B4GALNT2: variants seen among roughly 807,000 people sequenced by gnomAD.
B4GALNT2 encodes the protein beta-1,4-N-acetyl-galactosaminyltransferase 2 (SID blood group), also known as N-acetylneuraminylgalactosylglucosyl-glucoside beta-1,4-N- acetylgalactosaminyltransferase 2.
A neutral mutation model predicts 51.1 loss-of-function variants in B4GALNT2; 42 were observed. The observed-to-expected ratio is 0.82, with a 90% CI of 0.64 to 1.06. B4GALNT2 has a LOEUF of 1.06. B4GALNT2 is among the 50% of genes least tolerant of loss of function. The probability of loss-of-function intolerance (pLI) is 0.00; values close to 1 mark genes in which losing one functional copy is unlikely to be tolerated. For synonymous variants in B4GALNT2, 253 were observed against 251.7 expected, an observed-to-expected ratio of 1.01 and a Z score of -0.05; for missense variants, 602 against 633.6, an observed-to-expected ratio of 0.95 and a Z score of 0.54.
chr17:49,132,879 G>A (rs1193045371), intron 1 of B4GALNT2, 73 bp downstream of exon 1: 2 of 1,374,628 alleles, frequency 1.5e-6, no homozygotes, highest in African/African-American at 1.5e-5. Flanking sequence ...GTCCTTTCTG[G>A]CGTCTGCAGA....
At chr17:49,161,668 T>C (rs985627723) in intron 7 of B4GALNT2, among the ~76,000 whole-genome samples, 5 of 63,758 alleles carry the variant, frequency 7.8e-5, no homozygotes, top group Admixed American at 6.8e-4. Context: ...TCTAAATACA[T>C]TTTAAAGTAC....
At chr17:49,125,842 C>A in the B4GALNT2 span, among the ~76,000 whole-genome samples, 1 of 131,198 alleles carries the variant, frequency 7.6e-6, no homozygotes, top group East Asian at 2.1e-4. Context: ...AGGAGCCCCT[C>A]TGCCCGGCCA....
At chr17:49,143,590 G>C (rs367630597) in intron 3 of B4GALNT2, among the ~76,000 whole-genome samples, 57 of 152,316 alleles carry the variant, frequency 3.7e-4, no homozygotes, top group African/African-American at 1.3e-3. Flanking sequence ...GGGTGCATCA[G>C]ACCCCTCCAG....
intron 3 of B4GALNT2, among the ~76,000 whole-genome samples, chr17:49,142,958 G>A (rs1357722168): frequency 1.3e-5 from 2 of 152,096 alleles, no homozygotes; most frequent in African/African-American, 4.8e-5. Context: ...GTTGAAAAAG[G>A]CAGAATTTGG....
intron 10 of B4GALNT2, 46 bp from the exon 11 acceptor site, chr17:49,169,477 T>C (rs767254798): frequency 7.6e-6 from 12 of 1,575,562 alleles, no homozygotes; most frequent in Non-Finnish European, 1.0e-5. Flanking sequence ...GTGCCCACTT[T>C]TCTGACCGCA....
chr17:49,148,627 G>A (rs922233461), intron 3 of B4GALNT2: 7 of 538,564 alleles, frequency 1.3e-5, no homozygotes, highest in African/African-American at 7.7e-5. Context: ...CAGGCAAACC[G>A]TTCCTGCACA....
rs113863367 is a variant in B4GALNT2 at position 49,135,121 on chromosome 17, T to TG, written c.14+2316dup. Among the ~76,000 whole-genome samples, 118 of 151,774 alleles carry TG rather than the reference T, an allele frequency of 7.8e-4. 2 individuals are homozygous for TG. The highest frequency in any genetic ancestry group is 2.6e-3 in the African/African-American group (108 of 41,540). ...GTTTCTATAACTCGAATAGTTTAAA[T>TG]GTATTTATTTTTCTGGGTACCATTT... is the stretch of plus-strand genomic sequence containing the variant. On this transcript the variant is annotated intron_variant, in intron 1 of 10. Transcript: ENST00000393354.
chr17:49,122,722 G>A, the B4GALNT2 span, among the ~76,000 whole-genome samples: 1 of 152,208 alleles, frequency 6.6e-6, no homozygotes, highest in Admixed American at 6.5e-5. Context: ...AGAGGCACAT[G>A]TTTGGAAAGG....
At chr17:49,132,672 A>G (rs1250420630), upstream of B4GALNT2, 1 of 1,218,910 alleles carries the variant, frequency 8.2e-7, no homozygotes, top group Non-Finnish European at 1.1e-6. Context: ...GGCCGTCCCA[A>G]GCGTCCTGCA....
At chr17:49,143,132 C>G (rs2042660464) in intron 3 of B4GALNT2, among the ~76,000 whole-genome samples, 1 of 151,944 alleles carries the variant, frequency 6.6e-6, no homozygotes, top group Non-Finnish European at 1.5e-5. Context: ...GCTTGTAATC[C>G]CAGCTACTTG....
At chr17:49,155,969 C>T (rs1054202933) in intron 4 of B4GALNT2, among the ~76,000 whole-genome samples, 1 of 151,862 alleles carries the variant, frequency 6.6e-6, no homozygotes, top group African/African-American at 2.4e-5. Flanking sequence ...CCTCGTGATC[C>T]GCCCGCCTCG....
At chr17:49,153,543 A>G (rs531151596) in intron 4 of B4GALNT2, among the ~76,000 whole-genome samples, 11 of 151,054 alleles carry the variant, frequency 7.3e-5, no homozygotes, top group African/African-American at 2.4e-4. Flanking sequence ...GTCTTGCTCC[A>G]TCTCTCAGGC....
Position 49,164,209 on chromosome 17 carries a change from T to A in B4GALNT2, c.888T>A (p.Asp296Glu). The A allele has an allele frequency of 6.2e-7, 1 of 1,613,312 alleles. No homozygotes were observed. ...YYPDLTVIVA[D>E]DSQKPLEIKD... Reference sequence around the variant, plus strand: ...CAGACTTGACCGTAATAGTGGCTGATGACAGCCAGAAGCCCCTGGAAATTA... The same window carrying A: ...CAGACTTGACCGTAATAGTGGCTGAAGACAGCCAGAAGCCCCTGGAAATTA... Residue 296 changes from aspartate (D) to glutamate (E), a missense_variant, in exon 8 of 11, where the codon GAT (aspartate) becomes GAA (glutamate). Physicochemically the swap from Asp to Glu is conservative, Grantham distance 45. Transcript: ENST00000393354.
upstream of B4GALNT2, chr17:49,132,760 A>G: frequency 1.4e-6 from 2 of 1,388,860 alleles, no homozygotes; most frequent in Non-Finnish European, 9.3e-7. Flanking sequence ...AGGCTCCGTG[A>G]CATCCGGCAG....
chr17:49,166,039 G>T, intron 8 of B4GALNT2, 75 bp from the exon 9 acceptor site: 1 of 1,509,214 alleles, frequency 6.6e-7, no homozygotes. Context: ...TGGCTGTTGG[G>T]AATTTAGAAA....
At chr17:49,135,720 C>T (rs2042583940) in intron 1 of B4GALNT2, among the ~76,000 whole-genome samples, 1 of 150,534 alleles carries the variant, frequency 6.6e-6, no homozygotes, top group African/African-American at 2.4e-5. Context: ...TACCTGAGCC[C>T]AGGAGTTTGG....
chr17:49,158,474 A>G (rs982685571), intron 5 of B4GALNT2, among the ~76,000 whole-genome samples: 1 of 152,064 alleles, frequency 6.6e-6, no homozygotes, highest in Non-Finnish European at 1.5e-5. Flanking sequence ...TCTCTACTAA[A>G]CATACAAAAA....
intron 1 of B4GALNT2, among the ~76,000 whole-genome samples, chr17:49,136,214 A>G (rs1380382428): frequency 6.6e-6 from 1 of 152,040 alleles, no homozygotes. Context: ...AAAAGAAGGT[A>G]TCTCAATCTA....
At position 49,164,274 on chromosome 17, in the gene B4GALNT2, A is replaced by G; in HGVS notation, c.953A>G (p.Lys318Arg). 1 of 1,610,240 alleles carries G rather than the reference A, an allele frequency of 6.2e-7. No homozygotes were observed. Among genetic ancestry groups the G allele is most frequent in the South Asian group, 1.1e-5 (1 of 91,000 alleles). The change falls in exon 8 of 11, where the codon AAG (lysine) becomes AGG (arginine). Residue 318 changes from lysine (K) to arginine (R), a missense_variant and splice_region_variant. Transcript: ENST00000393354. ...GAGTATTACACTATGCCCTTTGGGA[A>G]GGTATGTCCCTCTCAGATTGGGTGG... ...HVEYYTMPFG[K>R]GWFAGRNLAI...
Sources: gnomAD v4.1 joint callset for allele counts (sites outside exome capture counted in the v4.1 genomes callset) on GRCh38, gnomAD v4.1.1 for gene constraint, MANE v1.5 for transcripts, NCBI Gene and HGNC (gene_info 2026-07-23, HGNC 2026-07-21) for gene names.